The following PAXBP1 variants were observed in gnomAD, a reference collection of about 807,000 sequenced individuals.
The protein encoded by PAXBP1 is PAX3 and PAX7 binding protein 1, also known as PAX3- and PAX7-binding protein 1.
PAXBP1 carries 44 observed loss-of-function variants against 119.9 expected under a neutral mutation model. That is an observed-to-expected ratio of 0.37 (90% CI 0.29 to 0.47). The LOEUF is 0.47. Among genes scored for constraint, PAXBP1 ranks in the 20% least tolerant of loss-of-function variants. The pLI is 0.99. For synonymous variants in PAXBP1, 393 were observed against 406.6 expected (o/e 0.97, Z 0.40); for missense variants, 898 against 1,134.1 (o/e 0.79, Z 2.99).
chr21:32,744,331 A>G (rs1037552675), intron 13 of PAXBP1, among the ~76,000 whole-genome samples: 1 of 151,678 alleles, frequency 6.6e-6, no homozygotes, highest in East Asian at 1.9e-4. Context: ...GTATTAAGAC[A>G]GTTTACAAAT....
chr21:32,764,258 C>T, intron 3 of PAXBP1, 90 bp downstream of exon 3: 1 of 1,257,690 alleles, frequency 8.0e-7, no homozygotes, highest in Admixed American at 2.5e-5. Context: ...AGAAACACCA[C>T]TCAGCTAATT....
rs1396426383 is a variant in PAXBP1, at chr21:32,770,000, T to A, written c.344-58A>T. On this transcript the variant is annotated intron_variant, in intron 1 of 17. Transcript: ENST00000331923. The stretch of plus-strand genomic sequence containing the variant: ...ACTATTTTCTGAAAATATTTTCCCT[T>A]CTTTCACATGATCTTACGTGCTGTC... 8 of 1,313,378 alleles carry A rather than the reference T, an allele frequency of 6.1e-6. No homozygotes were observed. The South Asian group carries it at 1.1e-4, about 18-fold the overall frequency. 81.4% of individuals were successfully genotyped at this position (1,313,378 alleles called of 1,614,324 possible).
At chr21:32,748,411 T>C in intron 11 of PAXBP1, 88 bp downstream of exon 11, 1 of 1,289,222 alleles carries the variant, frequency 7.8e-7, no homozygotes, top group Non-Finnish European at 1.1e-6. Context: ...GCAAAATATT[T>C]TGCTTAAGCT....
At chr21:32,748,989 A>G (rs1390253776) in intron 10 of PAXBP1, among the ~76,000 whole-genome samples, 1 of 152,190 alleles carries the variant, frequency 6.6e-6, no homozygotes. Context: ...TTCAAATTTC[A>G]GTTACTACGG....
chr21:32,757,809 C>A (rs2044068028), intron 7 of PAXBP1, among the ~76,000 whole-genome samples: 1 of 152,238 alleles, frequency 6.6e-6, no homozygotes. Context: ...CCACTGGGCT[C>A]AGAAGAGTTT....
intron 5 of PAXBP1, among the ~76,000 whole-genome samples, 157 bp downstream of exon 5, chr21:32,760,902 C>CGTGCGTGTGTGTGTGTGT (rs1491165069): frequency 1.6e-5 from 2 of 127,788 alleles, no homozygotes; most frequent in East Asian, 2.6e-4. Context: ...TGCGTGCGTG[C>CGTGCGTGTGTGTGTGTGT]GTGTGTGTGT....
At chr21:32,756,181 C>A (rs2044039874) in intron 7 of PAXBP1, 2 of 428,734 alleles carry the variant, frequency 4.7e-6, no homozygotes, top group South Asian at 1.7e-5. Context: ...AGAAAACTTT[C>A]TTTTTCTAAA....
In PAXBP1 at chr21:32,743,679, T is replaced by G; in HGVS notation, c.2266A>C (p.Asn756His). The change falls in exon 14 of 18, where the codon AAT becomes CAT. Residue 756 changes from asparagine (N) to histidine (H), a missense_variant and splice_region_variant. Transcript: ENST00000331923. Reference sequence around the variant, plus strand: ...TTAATGTTCTTCAGAGTTACTTACTTTTTGGGATATAAGGGCATAAATACA... The same window carrying G: ...TTAATGTTCTTCAGAGTTACTTACTGTTTGGGATATAAGGGCATAAATACA... ...DDVFMPLYPK[N>H]VLENKNSGPY... 2 of 1,571,296 alleles carry G rather than the reference T, an allele frequency of 1.3e-6. No individual in the cohort carries two copies. The highest frequency in any genetic ancestry group is 1.7e-6 in the Non-Finnish European group (2 of 1,144,894).
intron 11 of PAXBP1, among the ~76,000 whole-genome samples, chr21:32,745,930 T>A (rs560667813): frequency 6.6e-6 from 1 of 152,092 alleles, no homozygotes; most frequent in Admixed American, 6.5e-5. Context: ...CATAGACCAA[T>A]GGAACAGAAT....
intron 15 of PAXBP1, among the ~76,000 whole-genome samples, chr21:32,741,087 G>A (rs1339291495): frequency 3.3e-5 from 5 of 152,208 alleles, no homozygotes; most frequent in Non-Finnish European, 5.9e-5. Context: ...CAAGTATGGT[G>A]GGAGTAAGGA....
At chr21:32,763,994 CAAAAAAAAAA>C (rs5843566) in intron 3 of PAXBP1, among the ~76,000 whole-genome samples, 1 of 101,730 alleles carries the variant, frequency 9.8e-6, no homozygotes, top group African/African-American at 3.5e-5. Flanking sequence ...CCTCAAAAAG[CAAAAAAAAAA>C]AAAAAAAACT....
At position 32,771,528 on chromosome 21, in the gene PAXBP1, G is replaced by T; in HGVS notation, c.141C>A (p.Gly47=). The change falls in exon 1 of 18, where the codon GGC becomes GGA. Residue 47 remains glycine (G), a synonymous_variant. Coordinates refer to ENST00000331923, the MANE Select transcript of PAXBP1 (RefSeq NM_016631.4). ...GCGACTCCCCGCCAGGGGCCCTGTCGCCGCCACCGGGGCCCGCCTCTTCGC... is the reference window on the plus strand; with the variant it reads ...GCGACTCCCCGCCAGGGGCCCTGTCTCCGCCACCGGGGCCCGCCTCTTCGC... The part of the protein sequence containing the change: ...GTGEEAGPGG[G]DRAPGGESLL... 7.4e-7 allele frequency: 1 copy of T among 1,345,472 alleles called. No homozygotes were observed. Among genetic ancestry groups the T allele is most frequent in the Non-Finnish European group, 9.5e-7 (1 of 1,054,772 alleles). The allele number at this position is 1,345,472 out of a possible 1,614,324, so 83.3% of individuals were successfully genotyped here. A position where few individuals can be genotyped will look rare whatever the true frequency, so the allele number is the denominator to read the frequency against.
intron 11 of PAXBP1, among the ~76,000 whole-genome samples, chr21:32,746,194 G>C (rs566618680): frequency 2.0e-5 from 3 of 152,272 alleles, no homozygotes; most frequent in African/African-American, 7.2e-5. Context: ...TACCATTCAA[G>C]ACATCGGCAT....
chr21:32,770,645 G>A (rs542214319), intron 1 of PAXBP1, among the ~76,000 whole-genome samples: 4 of 152,284 alleles, frequency 2.6e-5, no homozygotes, highest in Admixed American at 6.5e-5. Context: ...GCTCATTTAA[G>A]ATCAGCAATC....
rs1015841331 is a variant in PAXBP1, at chr21:32,760,894, C to T, written c.975+165G>A. Among the ~76,000 whole-genome samples the T allele has an allele frequency of 2.1e-3, 278 of 133,828 alleles. 1 individual carries two copies. Among genetic ancestry groups the T allele is most frequent in the African/African-American group, 7.9e-3 (258 of 32,574 alleles). The allele number at this position is 133,828 out of a possible 152,430, so 87.8% of individuals were successfully genotyped here. A position where few individuals can be genotyped will look rare whatever the true frequency, so the allele number is the denominator to read the frequency against. ...CTAAAAGCCTACGTGTCTCTGTGTG[C>T]GTGCGTGCGTGTGTGTGTGTGTGTG... On this transcript the variant is annotated intron_variant, in intron 5 of 17. Coordinates refer to ENST00000331923, the MANE Select transcript of PAXBP1 (RefSeq NM_016631.4).
At chr21:32,745,382 G>A (rs969392874) in intron 12 of PAXBP1, among the ~76,000 whole-genome samples, 192 bp downstream of exon 12, 5 of 152,086 alleles carry the variant, frequency 3.3e-5, no homozygotes, top group Admixed American at 2.6e-4. Flanking sequence ...TCAACTACAG[G>A]CCCACCCTAA....
intron 14 of PAXBP1, 33 bp downstream of exon 14, chr21:32,743,645 A>C: frequency 7.0e-7 from 1 of 1,434,138 alleles, no homozygotes; most frequent in Non-Finnish European, 9.8e-7. Context: ...ACAATGGAGA[A>C]TATTATCTTT....
At chr21:32,737,536 T>C (rs1359219050) in intron 16 of PAXBP1, 128 bp from the exon 17 acceptor site, 5 of 709,102 alleles carry the variant, frequency 7.1e-6, no homozygotes, top group South Asian at 2.7e-5. Context: ...CAGCAATTAC[T>C]CTGAAGAAAT....
chr21:32,739,191 A>C (rs1273086572), intron 15 of PAXBP1, among the ~76,000 whole-genome samples: 1 of 152,220 alleles, frequency 6.6e-6, no homozygotes, highest in Non-Finnish European at 1.5e-5. Flanking sequence ...TAGTACTGTT[A>C]CAGATGCAGG....
Sources: gnomAD v4.1 joint callset for allele counts (sites outside exome capture counted in the v4.1 genomes callset) on GRCh38, gnomAD v4.1.1 for gene constraint, MANE v1.5 for transcripts, NCBI Gene and HGNC (gene_info 2026-07-23, HGNC 2026-07-21) for gene names.